The following METTL25 variants were observed in gnomAD, a reference collection of about 807,000 sequenced individuals.
METTL25 encodes the protein methyltransferase like 25.
A neutral mutation model predicts 71.6 loss-of-function variants in METTL25; 64 were observed. The ratio of observed to expected loss-of-function variants is 0.89; its 90% CI spans 0.73 to 1.10. The LOEUF (loss-of-function observed/expected upper bound fraction) is 1.10, where lower values mean the gene tolerates loss of function less well. METTL25 is among the 50% of genes least tolerant of loss of function. METTL25 has a pLI of 0.00. For missense variants in METTL25, 807 were observed against 707.0 expected, an observed-to-expected ratio of 1.14 and a Z score of -1.60; for synonymous variants, 287 against 250.3, an observed-to-expected ratio of 1.15 and a Z score of -1.38.
At chr12:82,442,979 A>G (rs1235512501) in intron 8 of METTL25, among the ~76,000 whole-genome samples, 1 of 151,936 alleles carries the variant, frequency 6.6e-6, no homozygotes, top group East Asian at 1.9e-4. Context: ...GAAAGATCAG[A>G]AGAAAATATC....
In METTL25 at chr12:82,403,090, C is replaced by T; in HGVS notation, c.1239C>T (p.Cys413=). ...EIKGVCSVGC[C]YHLLSEEFEN... is the part of the protein sequence containing the mutation. ...AGGGAGTTTGCAGTGTGGGTTGTTGCTACCACCTCTTATCTGAAGAATTTG... is the reference window on the plus strand; with the variant it reads ...AGGGAGTTTGCAGTGTGGGTTGTTGTTACCACCTCTTATCTGAAGAATTTG... The change falls in exon 5 of 12, where the codon TGC becomes TGT. Residue 413 remains cysteine (C), a synonymous_variant. Transcript: ENST00000248306. 6.2e-7 allele frequency: 1 copy of T among 1,613,082 alleles called. No individual in the cohort carries two copies. Among genetic ancestry groups the T allele is most frequent in the South Asian group, 1.1e-5 (1 of 90,964 alleles).
intron 5 of METTL25, among the ~76,000 whole-genome samples, chr12:82,418,235 A>C (rs908991675): frequency 6.6e-6 from 1 of 152,150 alleles, no homozygotes; most frequent in East Asian, 1.9e-4. Flanking sequence ...ATTGATCTGG[A>C]TATAACTGCA....
At chr12:82,404,692 C>G (rs1318529893) in intron 5 of METTL25, among the ~76,000 whole-genome samples, 1 of 152,096 alleles carries the variant, frequency 6.6e-6, no homozygotes, top group Non-Finnish European at 1.5e-5. Flanking sequence ...ACACTAATGC[C>G]AGCAATTTGG....
chr12:82,416,807 A>G lies in METTL25; in HGVS notation c.1279+13677A>G, dbSNP rs117216824. Among the ~76,000 whole-genome samples, 11 of 152,168 alleles carry G rather than the reference A, an allele frequency of 7.2e-5. No individual in the cohort carries two copies. The East Asian group carries it at 2.1e-3, about 29-fold the overall frequency. ...GTTTTAATATATTTTAGAAACCGGT[A>G]ACATGTAAGTACTTCACAAATCCTG... On this transcript the variant is annotated intron_variant, in intron 5 of 11. Transcript: ENST00000248306.
intron 5 of METTL25, among the ~76,000 whole-genome samples, chr12:82,403,531 G>A (rs551467568): frequency 1.3e-5 from 2 of 152,152 alleles, no homozygotes; most frequent in South Asian, 4.2e-4. Context: ...TTTCATATCT[G>A]AAGGAATACT....
chr12:82,471,302 G>C (rs970557254), intron 9 of METTL25, among the ~76,000 whole-genome samples: 1 of 152,188 alleles, frequency 6.6e-6, no homozygotes, highest in Non-Finnish European at 1.5e-5. Flanking sequence ...ACTAGATGGG[G>C]CCACATTCTC....
intron 5 of METTL25, among the ~76,000 whole-genome samples, chr12:82,414,870 G>T (rs1469033776): frequency 6.6e-6 from 1 of 152,030 alleles, no homozygotes; most frequent in Non-Finnish European, 1.5e-5. Context: ...TTACCAGAAA[G>T]TTGCCTAAAT....
At chr12:82,433,259 T>C (rs1361243103) in intron 6 of METTL25, among the ~76,000 whole-genome samples, 1 of 151,660 alleles carries the variant, frequency 6.6e-6, no homozygotes, top group African/African-American at 2.4e-5. Flanking sequence ...TCTATTTTTT[T>C]TTAATTCAGT....
chr12:82,377,056 T>C (rs935172458), intron 1 of METTL25, among the ~76,000 whole-genome samples: 4 of 151,856 alleles, frequency 2.6e-5, no homozygotes, highest in Non-Finnish European at 5.9e-5. Flanking sequence ...GAGGTTGCAC[T>C]GAGCCGAGAT....
At chr12:82,465,615 G>A (rs891998888) in intron 9 of METTL25, among the ~76,000 whole-genome samples, 41 of 151,584 alleles carry the variant, frequency 2.7e-4, no homozygotes, top group African/African-American at 9.7e-4. Context: ...TGCTGACCTC[G>A]TATAATGAGT....
chr12:82,434,889 G>A (rs1363555182), intron 7 of METTL25, among the ~76,000 whole-genome samples, 165 bp downstream of exon 7: 1 of 151,370 alleles, frequency 6.6e-6, no homozygotes, highest in African/African-American at 2.4e-5. Flanking sequence ...AAAGCAAAAT[G>A]AACTTTTCAG....
At chr12:82,438,819 A>G in intron 8 of METTL25, 28 bp downstream of exon 8, 5 of 1,496,844 alleles carry the variant, frequency 3.3e-6, no homozygotes, top group Non-Finnish European at 4.5e-6. Context: ...TAATAAGAAT[A>G]ACTATGTTAT....
At chr12:82,437,376 T>C (rs1322805564) in intron 7 of METTL25, among the ~76,000 whole-genome samples, 1 of 151,678 alleles carries the variant, frequency 6.6e-6, no homozygotes, top group Non-Finnish European at 1.5e-5. Flanking sequence ...TTTACAGTGG[T>C]AGAACCTGTA....
At chr12:82,395,938 CTG>C (rs1886035870) in intron 3 of METTL25, among the ~76,000 whole-genome samples, 1 of 152,088 alleles carries the variant, frequency 6.6e-6, no homozygotes, top group South Asian at 2.1e-4. Context: ...TGCAGTTAGA[CTG>C]TAGTTTCTTA....
At chr12:82,432,410 C>T (rs1889579372) in intron 6 of METTL25, among the ~76,000 whole-genome samples, 1 of 151,252 alleles carries the variant, frequency 6.6e-6, no homozygotes, top group Admixed American at 6.6e-5. Context: ...CATCAAAATG[C>T]TCATAGCCAG....
At chr12:82,400,133 C>G (rs541520589) in intron 4 of METTL25, among the ~76,000 whole-genome samples, 78 of 151,912 alleles carry the variant, frequency 5.1e-4, no homozygotes, top group African/African-American at 1.8e-3. Flanking sequence ...ACCATCCTGG[C>G]TAACATAGCG....
Position 82,398,998 on chromosome 12 carries a change from A to C in METTL25, c.735A>C (p.Glu245Asp). 1 of 1,608,884 alleles carries C rather than the reference A, an allele frequency of 6.2e-7. No homozygotes were observed. Residue 245 changes from glutamate to aspartate, a missense_variant, in exon 4 of 12, where the codon GAA becomes GAC. Coordinates refer to ENST00000248306, the MANE Select transcript of METTL25 (RefSeq NM_032230.3). ...GACTAGCATTAAAAATGGCAAAAGAAAGGAAAGTGCAAAATAAAGTTAAAA... is the reference window on the plus strand; with the variant it reads ...GACTAGCATTAAAAATGGCAAAAGACAGGAAAGTGCAAAATAAAGTTAAAA... ...VNGLALKMAK[E>D]RKVQNKVKNK... is the part of the protein sequence containing the mutation.
At chr12:82,388,856 C>G (rs2136954817) in intron 2 of METTL25, 1 of 152,148 alleles carries the variant, frequency 6.6e-6, no homozygotes, top group Middle Eastern at 3.4e-3. Context: ...CTGATGGAGA[C>G]CATGTCCTAA....
chr12:82,431,403 G>A (rs967532204), intron 6 of METTL25, among the ~76,000 whole-genome samples: 1 of 151,486 alleles, frequency 6.6e-6, no homozygotes, highest in African/African-American at 2.4e-5. Context: ...GAACACTCTA[G>A]CCCATAATGT....
Sources: allele counts gnomAD v4.1 joint callset (sites outside exome capture counted in the v4.1 genomes callset), GRCh38; gene constraint gnomAD v4.1.1; transcripts MANE v1.5; gene names NCBI Gene and HGNC (gene_info 2026-07-23, HGNC 2026-07-21).